Variants in EHMT1 observed in about 807,000 individuals in gnomAD.
EHMT1 encodes euchromatic histone lysine methyltransferase 1.
Under a neutral mutation model 147.2 loss-of-function variants are expected in EHMT1, and 15 were observed. The observed-to-expected ratio is 0.10, with a 90% confidence interval of 0.07 to 0.16. The LOEUF (loss-of-function observed/expected upper bound fraction) is 0.16, where lower values mean the gene tolerates loss of function less well. Ranked by LOEUF, EHMT1 falls within the 10% of genes least tolerant of loss-of-function variation. The probability of loss-of-function intolerance (pLI) is 1.00; values close to 1 mark genes in which losing one functional copy is unlikely to be tolerated. For missense variants in EHMT1, 1,587 were observed against 1,772.4 expected (o/e 0.90, Z 1.88); for synonymous variants, 795 against 709.6 (o/e 1.12, Z -1.91).
In EHMT1 at chr9:137,776,670, A is replaced by G. The variant is rs1359047945; in HGVS notation, c.1844A>G (p.Lys615Arg). The change falls in exon 12 of 27, where the codon AAA (lysine) becomes AGA (arginine). Residue 615 changes from lysine (K) to arginine (R), a missense_variant. By Grantham distance (26) the Lys-to-Arg change is conservative. This residue lies in a region of EHMT1 where 124 missense variants were observed against 197.8 expected (regional missense o/e 0.63). Coordinates refer to ENST00000460843, the MANE Select transcript of EHMT1 (RefSeq NM_024757.5). This position sits in a 1 kb window ranked among gnomAD's most constrained non-coding sequence, Gnocchi z 4.4. The stretch of plus-strand genomic sequence containing the variant: ...AGCAGCATCTCTCACCGTTTCCACA[A>G]AGACTGTGCCTCTCGAGTCAATAAC... ...PESSISHRFH[K>R]DCASRVNNAS... 3.7e-6 allele frequency: 6 copies of G among 1,614,044 alleles called. No individual in the cohort carries two copies. Among genetic ancestry groups the G allele is most frequent in the African/African-American group, 2.7e-5 (2 of 74,938 alleles).
Position 137,813,185 on chromosome 9 carries a change from C to A in EHMT1, c.3035+12C>A. The A allele has an allele frequency of 1.2e-6, 2 of 1,606,684 alleles. No homozygotes were observed. The highest frequency in any genetic ancestry group is 1.7e-6 in the Non-Finnish European group (2 of 1,179,826). On this transcript the variant is annotated intron_variant, in intron 20 of 26. Coordinates refer to ENST00000460843, the MANE Select transcript of EHMT1 (RefSeq NM_024757.5). The surrounding 1 kb of genome is among the most constrained non-coding windows in gnomAD (Gnocchi z 4.9). The stretch of plus-strand genomic sequence containing the variant: ...AGGATAGTGAGCAGGTGAGCCCAGC[C>A]CCAGGACGGCTTTGTGGCAAATCAG...
intron 1 of EHMT1, chr9:137,641,106 A>G (rs1844454261): frequency 3.2e-6 from 1 of 312,624 alleles, no homozygotes. Flanking sequence ...ACCAAGGAGC[A>G]CTGTGATGAA....
chr9:137,753,862 T>C (rs1176508665), intron 7 of EHMT1, among the ~76,000 whole-genome samples: 2 of 152,246 alleles, frequency 1.3e-5, no homozygotes, highest in Non-Finnish European at 2.9e-5. Context: ...AGCTTACTTA[T>C]TTAGTTCCTG....
intron 1 of EHMT1, among the ~76,000 whole-genome samples, chr9:137,684,596 A>G (rs1196757589): frequency 6.6e-6 from 1 of 152,066 alleles, no homozygotes; most frequent in Non-Finnish European, 1.5e-5. Flanking sequence ...GGCTCAAGCA[A>G]TCCTACTACC....
rs1426279991 is a variant in EHMT1 at position 137,752,363 on chromosome 9, C to T, written c.1203C>T (p.Ser401=). The T allele has an allele frequency of 2.5e-6, 4 of 1,614,184 alleles. No homozygotes were observed. The highest frequency in any genetic ancestry group is 3.4e-6 in the Non-Finnish European group (4 of 1,180,026). Residue 401 remains serine, a synonymous_variant, in exon 7 of 27, where the codon TCC becomes TCT. Coordinates refer to ENST00000460843, the MANE Select transcript of EHMT1 (RefSeq NM_024757.5). ...GGGAGTCCGAGGAGGAGCAGGAGTC[C>T]GTGGACACCGGGGAGGAGGAGGAAG... is the stretch of plus-strand genomic sequence containing the variant. The part of the protein sequence containing the change: ...MDGESEEEQE[S]VDTGEEEEGG...
intron 1 of EHMT1, among the ~76,000 whole-genome samples, chr9:137,690,434 A>G (rs1942835089): frequency 6.7e-6 from 1 of 150,012 alleles, no homozygotes; most frequent in Admixed American, 6.7e-5. Context: ...GCTTGAGCCC[A>G]GGAGTTCAAG....
Position 137,700,455 on chromosome 9 carries a change from T to G in EHMT1, c.22-10512T>G, listed in dbSNP as rs553538209. Among the ~76,000 whole-genome samples, 3 of 152,338 alleles carry G rather than the reference T, an allele frequency of 2.0e-5. No homozygotes were observed. In the East Asian group the frequency reaches 5.8e-4, roughly 29 times the overall value. ...TTTTTCTCCAGCCACATCAGTGCCT[T>G]AGACAATATATTAAAGTGGGCATTC... is the stretch of plus-strand genomic sequence containing the variant. On this transcript the variant is annotated intron_variant, in intron 1 of 26. Coordinates refer to ENST00000460843, the MANE Select transcript of EHMT1 (RefSeq NM_024757.5).
At chr9:137,715,501 C>T in intron 2 of EHMT1, 11 of 976,304 alleles carry the variant, frequency 1.1e-5, no homozygotes, top group Non-Finnish European at 1.3e-5. Flanking sequence ...GTCTGTTGTG[C>T]TCGAGGTGAT....
rs1267450776 is a variant in EHMT1, at chr9:137,798,864, G to A, written c.2557G>A (p.Glu853Lys). 4.3e-6 allele frequency: 7 copies of A among 1,614,186 alleles called. No homozygotes were observed. The highest frequency in any genetic ancestry group is 1.6e-4 in the Middle Eastern group (1 of 6,062). ...CCTGGCTGCCAAGAAAGGCCACTAC[G>A]AAGTGGTCCAGTACCTGCTTTCAAA... ...LHLAAKKGHY[E>K]VVQYLLSNGQ... Residue 853 changes from glutamate to lysine, a missense_variant, in exon 17 of 27, where the codon GAA (glutamate) becomes AAA (lysine). Physicochemically the swap from Glu to Lys is moderately conservative, Grantham distance 56. Transcript: ENST00000460843.
chr9:137,682,782 C>T (rs1942079903), intron 1 of EHMT1, among the ~76,000 whole-genome samples: 1 of 152,208 alleles, frequency 6.6e-6, no homozygotes, highest in African/African-American at 2.4e-5. Flanking sequence ...TGCACTGAGA[C>T]CCGCAGGCCC....
Position 137,779,671 on chromosome 9 carries a change from C to T in EHMT1, c.2229C>T (p.Tyr743=). The T allele has an allele frequency of 6.2e-7, 1 of 1,613,946 alleles. No homozygotes were observed. The change falls in exon 14 of 27, where the codon TAC becomes TAT. Residue 743 remains tyrosine (Y), a synonymous_variant. Transcript: ENST00000460843. ...TTCGCTTCCACCCAAAGCAGCTGTA[C>T]TTCTCCGCCAGGCAAGGGGAGCTTC... is the stretch of plus-strand genomic sequence containing the variant. ...KKLRFHPKQL[Y]FSARQGELQK... is the part of the protein sequence containing the mutation.
rs113906924 is a variant in EHMT1, at chr9:137,811,270, T to C, written c.2713-191T>C. Among the ~76,000 whole-genome samples the C allele has an allele frequency of 0.015, 2,277 of 152,236 alleles. 68 individuals are homozygous for C. The highest frequency in any genetic ancestry group is 0.052 in the African/African-American group (2,141 of 41,540). ...AAACAAAACATGAAACGAAGTGCCT[T>C]CCAGAGTTGAGATGGGCGCTAGGTT... On this transcript the variant is annotated intron_variant, in intron 18 of 26. Transcript: ENST00000460843.
intron 1 of EHMT1, among the ~76,000 whole-genome samples, chr9:137,628,257 G>A (rs1194994943): frequency 6.6e-6 from 1 of 152,132 alleles, no homozygotes; most frequent in Non-Finnish European, 1.5e-5. Context: ...CTGTGGGATA[G>A]GTTAGCTCTC....
intron 10 of EHMT1, chr9:137,763,192 C>A: frequency 2.7e-6 from 1 of 370,846 alleles, no homozygotes; most frequent in Non-Finnish European, 5.0e-6. Context: ...ACTGTGGTTT[C>A]CTGCAGGGCA....
At position 137,815,811 on chromosome 9, in the gene EHMT1, T is replaced by C. The variant is rs1954874417; in HGVS notation, c.3259-136T>C. ...CACATGGAGTTTTTCCCTAGGTGGG[T>C]GTTCAAGTTTGGCCAGAAACCATCG... On this transcript the variant is annotated intron_variant, in intron 22 of 26. Coordinates refer to ENST00000460843, the MANE Select transcript of EHMT1 (RefSeq NM_024757.5). The C allele has an allele frequency of 9.4e-6, 7 of 743,984 alleles. No homozygotes were observed. The Admixed American group carries it at 1.2e-4, about 13-fold the overall frequency. The allele number at this position is 743,984 out of a possible 1,614,324, so 46.1% of individuals were successfully genotyped here. A position where few individuals can be genotyped will look rare whatever the true frequency, so the allele number is the denominator to read the frequency against.
At chr9:137,718,755 TTTTTC>T (rs938552834) in intron 3 of EHMT1, among the ~76,000 whole-genome samples, 5 of 145,152 alleles carry the variant, frequency 3.4e-5, no homozygotes, top group African/African-American at 1.4e-4. Context: ...TTTCTTTTTC[TTTTTC>T]TTTTTTTTTT....
chr9:137,706,053 TG>T (rs1410592254), intron 1 of EHMT1, among the ~76,000 whole-genome samples: 1 of 2,288 alleles, frequency 4.4e-4, no homozygotes, highest in African/African-American at 2.3e-3. Context: ...GTTGGGGGGT[TG>T]GGGGTGGGGC....
chr9:137,811,637 G>C, intron 19 of EHMT1, 22 bp downstream of exon 19: 1 of 1,599,258 alleles, frequency 6.3e-7, no homozygotes, highest in South Asian at 1.1e-5. Flanking sequence ...GCTTCCCCCA[G>C]CGCGGGCTGG....
intron 1 of EHMT1, among the ~76,000 whole-genome samples, chr9:137,632,922 T>G (rs1303872453): frequency 6.6e-6 from 1 of 152,234 alleles, no homozygotes; most frequent in Non-Finnish European, 1.5e-5. Flanking sequence ...GGGAGTGACC[T>G]CATCAGGTTT....
Sources: allele counts gnomAD v4.1 joint callset (sites outside exome capture counted in the v4.1 genomes callset), GRCh38; gene constraint gnomAD v4.1.1; regional missense constraint gnomAD v4.1.1; non-coding constraint Gnocchi (gnomAD v3.1); transcripts MANE v1.5; gene names NCBI Gene and HGNC (gene_info 2026-07-23, HGNC 2026-07-21).